The following TDRD12 variants were observed in gnomAD, a reference collection of about 807,000 sequenced individuals.
TDRD12 encodes the protein putative ATP-dependent RNA helicase TDRD12.
A neutral mutation model predicts 133.5 loss-of-function variants in TDRD12; 158 were observed. The ratio of observed to expected loss-of-function variants is 1.18; its 90% CI spans 1.04 to 1.35. TDRD12 has a LOEUF of 1.35. Ranked by LOEUF, TDRD12 falls within the 40% of genes most tolerant of loss-of-function variation. TDRD12 has a pLI of 0.00. For missense variants in TDRD12, 1,443 were observed against 1,321.3 expected (o/e 1.09, Z -1.43); for synonymous variants, 460 against 477.9 (o/e 0.96, Z 0.49).
At chr19:32,800,900 A>G in intron 18 of TDRD12, 128 bp downstream of exon 18, 2 of 991,860 alleles carry the variant, frequency 2.0e-6, no homozygotes, top group Non-Finnish European at 2.8e-6. Flanking sequence ...AACATCAATC[A>G]GAAGAGGAGG....
chr19:32,799,374 AC>A (rs1233597846), intron 16 of TDRD12, among the ~76,000 whole-genome samples: 4 of 151,956 alleles, frequency 2.6e-5, no homozygotes, highest in Non-Finnish European at 4.4e-5. Context: ...GGCTCTCCAC[AC>A]CCCTGCCAGA....
chr19:32,759,239 A>G (rs1970082932), intron 8 of TDRD12, among the ~76,000 whole-genome samples: 1 of 152,170 alleles, frequency 6.6e-6, no homozygotes, highest in Non-Finnish European at 1.5e-5. Context: ...AACACAGTGT[A>G]GAGAGAACAG....
intron 11 of TDRD12, among the ~76,000 whole-genome samples, chr19:32,790,133 G>A (rs1971026509): frequency 6.6e-6 from 1 of 152,204 alleles, no homozygotes; most frequent in African/African-American, 2.4e-5. Flanking sequence ...TGACTTCTCT[G>A]TGACTGCCAC....
intron 20 of TDRD12, 40 bp from the exon 21 acceptor site, chr19:32,802,882 G>A: frequency 6.5e-7 from 1 of 1,529,122 alleles, no homozygotes. Context: ...GTCAGACTGG[G>A]ATAGATGATC....
At chr19:32,728,967 A>G (rs1360099511) in intron 1 of TDRD12, among the ~76,000 whole-genome samples, 1 of 150,950 alleles carries the variant, frequency 6.6e-6, no homozygotes, top group Non-Finnish European at 1.5e-5. Flanking sequence ...TTTTTCATTT[A>G]TGAAATTTAC....
At chr19:32,827,306 G>A in exon 10 of TDRD12, 1 of 1,155,038 alleles carries the variant, frequency 8.7e-7, no homozygotes, top group Non-Finnish European at 1.1e-6. Context: ...AACAAAAATG[G>A]ATATTGCCAT....
intron 8 of TDRD12, among the ~76,000 whole-genome samples, chr19:32,770,723 C>G (rs553870298): frequency 1.3e-5 from 2 of 152,214 alleles, no homozygotes; most frequent in African/African-American, 4.8e-5. Context: ...TTTTCCTAAT[C>G]TGAAAAGGGG....
At chr19:32,803,913 ATCTTTT>A in intron 21 of TDRD12, among the ~76,000 whole-genome samples, 1 of 152,030 alleles carries the variant, frequency 6.6e-6, no homozygotes, top group South Asian at 2.1e-4. Context: ...GGGAGTGTTT[ATCTTTT>A]TCTTCTTGGT....
exon 13 of TDRD12, chr19:32,791,036 G>C: frequency 1.3e-6 from 2 of 1,536,234 alleles, no homozygotes; most frequent in Middle Eastern, 3.3e-4. Flanking sequence ...CTTAACCATT[G>C]ACTCGTCGCC....
chr19:32,788,181 G>A (rs897252327), intron 11 of TDRD12, among the ~76,000 whole-genome samples: 1 of 151,380 alleles, frequency 6.6e-6, no homozygotes, highest in African/African-American at 2.4e-5. Context: ...GGAGTGCAGT[G>A]GTGCGATGTC....
intron 10 of TDRD12, among the ~76,000 whole-genome samples, chr19:32,775,045 G>T (rs944077842): frequency 6.6e-6 from 1 of 151,318 alleles, no homozygotes; most frequent in Non-Finnish European, 1.5e-5. Flanking sequence ...TATGCTTGGG[G>T]TTCATTAATG....
At chr19:32,729,934 G>A (rs1968994873) in intron 1 of TDRD12, among the ~76,000 whole-genome samples, 1 of 151,430 alleles carries the variant, frequency 6.6e-6, no homozygotes, top group Non-Finnish European at 1.5e-5. Context: ...GGGACTACAG[G>A]TATCTGCCAC....
chr19:32,803,073 T>C, exon 21 of TDRD12: 1 of 1,536,006 alleles, frequency 6.5e-7, no homozygotes, highest in Non-Finnish European at 8.7e-7. Flanking sequence ...GCAGGAGTTC[T>C]GGAAGCCAAA....
intron 3 of TDRD12, among the ~76,000 whole-genome samples, chr19:32,739,265 A>G (rs1343913088): frequency 6.6e-6 from 1 of 151,942 alleles, no homozygotes; most frequent in Non-Finnish European, 1.5e-5. Context: ...TGTTCTTTGC[A>G]TCTCCTGGCT....
intron 8 of TDRD12, 124 bp from the exon 9 acceptor site, chr19:32,772,629 C>T (rs1970472267): frequency 6.9e-6 from 4 of 577,244 alleles, no homozygotes; most frequent in Non-Finnish European, 1.2e-5. Flanking sequence ...AATTCATATT[C>T]CATAAAAATT....
At chr19:32,807,113 C>G (rs1599613022) in intron 21 of TDRD12, among the ~76,000 whole-genome samples, 1 of 151,510 alleles carries the variant, frequency 6.6e-6, no homozygotes, top group African/African-American at 2.4e-5. Flanking sequence ...TATGGAAATA[C>G]ATTTTGTTCA....
At chr19:32,777,005 T>G (rs1345647337) in intron 10 of TDRD12, 144 bp from the exon 11 acceptor site, 1 of 565,952 alleles carries the variant, frequency 1.8e-6, no homozygotes, top group Non-Finnish European at 3.1e-6. Flanking sequence ...CCTCCCACCT[T>G]GGCCTCCCGA....
At chr19:32,782,746 T>C (rs896097054) in intron 11 of TDRD12, among the ~76,000 whole-genome samples, 4 of 152,262 alleles carry the variant, frequency 2.6e-5, no homozygotes, top group African/African-American at 7.2e-5. Flanking sequence ...CATATGTCTA[T>C]TGGCTACATA....
At chr19:32,817,623 G>A (rs1967225589) in intron 26 of TDRD12, among the ~76,000 whole-genome samples, 1 of 151,904 alleles carries the variant, frequency 6.6e-6, no homozygotes. Flanking sequence ...TTGCTACTCA[G>A]AAGTGGAGCT....
Sources: allele counts gnomAD v4.1 joint callset (sites outside exome capture counted in the v4.1 genomes callset), GRCh38; gene constraint gnomAD v4.1.1; transcripts MANE v1.5; gene names NCBI Gene and HGNC (gene_info 2026-07-23, HGNC 2026-07-21).